Variants in POGLUT3 observed in about 807,000 individuals in gnomAD.
The protein encoded by POGLUT3 is KDEL (Lys-Asp-Glu-Leu) containing 2.
A neutral mutation model predicts 54.3 loss-of-function variants in POGLUT3; 48 were observed. The observed-to-expected ratio is 0.88, with a 90% CI of 0.70 to 1.12. The LOEUF is 1.12. Ranked by LOEUF, POGLUT3 falls within the 50% of genes most tolerant of loss-of-function variation. The probability of loss-of-function intolerance (pLI) is 0.00; values close to 1 mark genes in which losing one functional copy is unlikely to be tolerated. For missense variants in POGLUT3, 629 were observed against 618.7 expected (o/e 1.02, Z -0.18); for synonymous variants, 218 against 237.4 (o/e 0.92, Z 0.75).
chr11:108,492,690 C>G (rs916512694), intron 1 of POGLUT3, among the ~76,000 whole-genome samples: 1 of 151,932 alleles, frequency 6.6e-6, no homozygotes, highest in African/African-American at 2.4e-5. Context: ...TATTAATAAT[C>G]GAGTACCAAA....
chr11:108,488,866 C>T (rs981199413), intron 2 of POGLUT3, among the ~76,000 whole-genome samples: 13 of 152,182 alleles, frequency 8.5e-5, no homozygotes, highest in East Asian at 3.9e-4. Flanking sequence ...CAGTACTTAT[C>T]GGTGGGTACC....
At chr11:108,487,888 AGG>A (rs2093606501) in intron 2 of POGLUT3, among the ~76,000 whole-genome samples, 1 of 152,072 alleles carries the variant, frequency 6.6e-6, no homozygotes, top group South Asian at 2.1e-4. Flanking sequence ...CTGGGATTAC[AGG>A]CGTGAGCCAC....
intron 2 of POGLUT3, among the ~76,000 whole-genome samples, chr11:108,489,945 G>C (rs142150040): frequency 5.3e-5 from 8 of 152,126 alleles, no homozygotes; most frequent in African/African-American, 1.9e-4. Context: ...GAGTGCAGTG[G>C]CACGATCACA....
At chr11:108,498,137 A>G in intron 1 of POGLUT3, 28 bp downstream of exon 1, 1 of 1,485,806 alleles carries the variant, frequency 6.7e-7, no homozygotes, top group Non-Finnish European at 9.0e-7. Context: ...CGGCCGCGGG[A>G]CGAGGGAGGC....
At chr11:108,480,250 C>T (rs2093589933) in intron 5 of POGLUT3, among the ~76,000 whole-genome samples, 1 of 152,196 alleles carries the variant, frequency 6.6e-6, no homozygotes, top group Non-Finnish European at 1.5e-5. Flanking sequence ...CAGGCATTGT[C>T]TCTATTTTAC....
chr11:108,478,588 A>G (rs1159396241), intron 6 of POGLUT3, among the ~76,000 whole-genome samples: 1 of 152,252 alleles, frequency 6.6e-6, no homozygotes, highest in Non-Finnish European at 1.5e-5. Flanking sequence ...CTGTTCATTC[A>G]GTACCAGAAA....
At chr11:108,475,462 TGTTTTTG>T (rs1436543262) in intron 7 of POGLUT3, among the ~76,000 whole-genome samples, 20 of 127,096 alleles carry the variant, frequency 1.6e-4, no homozygotes, top group African/African-American at 4.1e-4. Context: ...GAGTTTTTTT[TGTTTTTG>T]TTTTTTTTTT....
At chr11:108,493,506 G>C (rs1345382999) in intron 1 of POGLUT3, among the ~76,000 whole-genome samples, 1 of 152,158 alleles carries the variant, frequency 6.6e-6, no homozygotes, top group Non-Finnish European at 1.5e-5. Context: ...AATATAGTGG[G>C]ATAGAATTGA....
chr11:108,490,640 A>G lies in POGLUT3; in HGVS notation c.400+330T>C, dbSNP rs147560407. 4.3e-3 allele frequency among the ~76,000 whole-genome samples: 648 copies of G among 152,272 alleles called. 6 individuals carry two copies. In the South Asian group the frequency reaches 0.046, roughly 11 times the overall value. On this transcript the variant is annotated intron_variant, in intron 2 of 7. Transcript: ENST00000323468. ...AGACATTCAAAAGCTGGAAGAATTC[A>G]TCACCAGCATTCTCACAGTAAAATA...
chr11:108,480,343 A>G (rs1225840324), intron 5 of POGLUT3, among the ~76,000 whole-genome samples: 7 of 152,326 alleles, frequency 4.6e-5, no homozygotes, highest in South Asian at 2.1e-4. Context: ...AGCTGTCTGC[A>G]TATTTGTTGG....
At chr11:108,484,827 G>T (rs1591642212) in intron 3 of POGLUT3, among the ~76,000 whole-genome samples, 1 of 152,158 alleles carries the variant, frequency 6.6e-6, no homozygotes, top group Middle Eastern at 3.4e-3. Context: ...GATAAATATT[G>T]CCCACCTCCA....
Position 108,479,286 on chromosome 11 carries a change from T to C in POGLUT3, c.1293+15A>G. On this transcript the variant is annotated intron_variant, in intron 6 of 7. Transcript: ENST00000323468. Reference sequence around the variant, plus strand: ...TTGTTATTGCTTAAAGAAATAAAAATTGCTGGACGCATACCTTAGCCCATT... The same window carrying C: ...TTGTTATTGCTTAAAGAAATAAAAACTGCTGGACGCATACCTTAGCCCATT... The C allele has an allele frequency of 6.4e-7, 1 of 1,573,526 alleles. No individual in the cohort carries two copies. Among genetic ancestry groups the C allele is most frequent in the Non-Finnish European group, 8.6e-7 (1 of 1,160,118 alleles).
At chr11:108,481,449 TA>T (rs2093592405) in intron 4 of POGLUT3, 73 bp from the exon 5 acceptor site, 1 of 1,144,088 alleles carries the variant, frequency 8.7e-7, no homozygotes, top group Non-Finnish European at 1.2e-6. Context: ...TAATCCTCTT[TA>T]ATCTACCATT....
chr11:108,477,106 A>G (rs1336681836), intron 7 of POGLUT3, among the ~76,000 whole-genome samples: 1 of 152,074 alleles, frequency 6.6e-6, no homozygotes, highest in Non-Finnish European at 1.5e-5. Context: ...TAAAGATGAA[A>G]ATATGGAGGC....
chr11:108,490,228 C>T (rs974713031), intron 2 of POGLUT3, among the ~76,000 whole-genome samples: 1 of 152,104 alleles, frequency 6.6e-6, no homozygotes, highest in African/African-American at 2.4e-5. Context: ...GATGGAATCT[C>T]GCTCTGTCAC....
chr11:108,482,278 A>G, intron 3 of POGLUT3, 56 bp from the exon 4 acceptor site: 1 of 1,260,308 alleles, frequency 7.9e-7, no homozygotes, highest in Non-Finnish European at 1.1e-6. Flanking sequence ...CTTTGGTACT[A>G]AGTACAACAG....
chr11:108,496,671 T>C (rs532284353), intron 1 of POGLUT3, among the ~76,000 whole-genome samples: 3 of 152,348 alleles, frequency 2.0e-5, no homozygotes, highest in African/African-American at 7.2e-5. Flanking sequence ...AGACACGTTA[T>C]CAAAGCAATG....
At position 108,481,396 on chromosome 11, in the gene POGLUT3, A is replaced by G; in HGVS notation, c.902-20T>C. 6.5e-7 allele frequency: 1 copy of G among 1,538,680 alleles called. No individual in the cohort carries two copies. Among genetic ancestry groups the G allele is most frequent in the Non-Finnish European group, 8.7e-7 (1 of 1,149,152 alleles). ...AAGGCCCTACAAGTTTGAAGCCATA[A>G]AAAAATTAGGATTATGAATTTGACA... On this transcript the variant is annotated intron_variant, in intron 4 of 7. Coordinates refer to ENST00000323468, the MANE Select transcript of POGLUT3 (RefSeq NM_153705.5).
chr11:108,497,611 C>G (rs557951376), intron 1 of POGLUT3, among the ~76,000 whole-genome samples: 1 of 152,350 alleles, frequency 6.6e-6, no homozygotes, highest in East Asian at 1.9e-4. Flanking sequence ...CGAATGATTT[C>G]TACTGAGTTT....
Sources: allele counts gnomAD v4.1 joint callset (sites outside exome capture counted in the v4.1 genomes callset), GRCh38; gene constraint gnomAD v4.1.1; transcripts MANE v1.5; gene names NCBI Gene and HGNC (gene_info 2026-07-23, HGNC 2026-07-21).